GPR137B: variants seen among roughly 807,000 people sequenced by gnomAD.
GPR137B encodes the protein integral membrane protein GPR137B.
A neutral mutation model predicts 42.5 loss-of-function variants in GPR137B; 42 were observed. The observed-to-expected ratio is 0.99, with a 90% CI of 0.77 to 1.28. The LOEUF is 1.28. Among genes scored for constraint, GPR137B ranks in the 50% most tolerant of loss-of-function variants. GPR137B has a pLI of 0.00. For synonymous variants in GPR137B, 218 were observed against 209.7 expected (o/e 1.04, Z -0.34); for missense variants, 487 against 493.9 (o/e 0.99, Z 0.13).
Position 236,155,115 on chromosome 1 carries a change from C to CG in GPR137B, c.414+12081dup, listed in dbSNP as rs199973715. Among the ~76,000 whole-genome samples the CG allele has an allele frequency of 0.023, 3,442 of 152,302 alleles. 134 individuals are homozygous for CG. Among genetic ancestry groups the CG allele is most frequent in the African/African-American group, 0.079 (3,295 of 41,548 alleles). On this transcript the variant is annotated intron_variant, in intron 1 of 6. Coordinates refer to ENST00000366592, the MANE Select transcript of GPR137B (RefSeq NM_003272.4). This position sits in a 1 kb window ranked among gnomAD's most constrained non-coding sequence, Gnocchi z 4.6. ...AGAATTATTTGCCTCCACCTCTGTGCGGAACTGATGCCGAGACGGACTCCA... is the reference window on the plus strand; with the variant it reads ...AGAATTATTTGCCTCCACCTCTGTGCGGGAACTGATGCCGAGACGGACTCCA...
intron 5 of GPR137B, among the ~76,000 whole-genome samples, chr1:236,189,958 G>A (rs867730685): frequency 6.6e-6 from 1 of 152,150 alleles, no homozygotes; most frequent in Admixed American, 6.5e-5. Flanking sequence ...AAGTGTCTTT[G>A]TAGGTCTGTA....
intron 6 of GPR137B, among the ~76,000 whole-genome samples, chr1:236,205,768 G>A (rs1663642793): frequency 6.6e-6 from 1 of 152,140 alleles, no homozygotes; most frequent in Admixed American, 6.5e-5. Flanking sequence ...TTGAACTCCT[G>A]GCCTCAAGTG....
intron 6 of GPR137B, 35 bp from the exon 7 acceptor site, chr1:236,208,015 G>T: frequency 6.7e-7 from 1 of 1,498,694 alleles, no homozygotes; most frequent in Non-Finnish European, 9.3e-7. Flanking sequence ...ACTATATAAT[G>T]TTTCAAGTCA....
At chr1:236,144,714 G>A (rs549323191) in intron 1 of GPR137B, among the ~76,000 whole-genome samples, 1 of 152,356 alleles carries the variant, frequency 6.6e-6, no homozygotes, top group Admixed American at 6.5e-5. Flanking sequence ...TTTTGTAATT[G>A]AAATGAGGTG....
At chr1:236,191,554 G>A (rs1663193504) in intron 5 of GPR137B, among the ~76,000 whole-genome samples, 1 of 152,154 alleles carries the variant, frequency 6.6e-6, no homozygotes, top group African/African-American at 2.4e-5. Context: ...CTTTCTGTTT[G>A]TTAGTTTTCC....
intron 1 of GPR137B, among the ~76,000 whole-genome samples, chr1:236,158,347 C>G (rs968867067): frequency 2.6e-5 from 4 of 152,146 alleles, no homozygotes; most frequent in Non-Finnish European, 5.9e-5. Flanking sequence ...ATCGCTTGAA[C>G]CCGGGAGACA....
chr1:236,178,784 GGTTTTT>G, intron 3 of GPR137B, 148 bp downstream of exon 3: 1 of 34,242 alleles, frequency 2.9e-5, no homozygotes, highest in Non-Finnish European at 7.6e-5. Context: ...GGCTACTCGA[GGTTTTT>G]TTTTTTTTTT....
chr1:236,189,946 C>G (rs144654907), intron 5 of GPR137B, among the ~76,000 whole-genome samples: 1 of 152,078 alleles, frequency 6.6e-6, no homozygotes, highest in Non-Finnish European at 1.5e-5. Flanking sequence ...GTGTGGGGGT[C>G]TAAGTGTCTT....
At chr1:236,147,799 G>A (rs1661723281) in intron 1 of GPR137B, among the ~76,000 whole-genome samples, 1 of 152,194 alleles carries the variant, frequency 6.6e-6, no homozygotes, top group Non-Finnish European at 1.5e-5. Flanking sequence ...CTGACCTGGG[G>A]TGAGGTGCCC....
At chr1:236,148,410 C>T (rs1231880020) in intron 1 of GPR137B, among the ~76,000 whole-genome samples, 1 of 152,158 alleles carries the variant, frequency 6.6e-6, no homozygotes, top group Non-Finnish European at 1.5e-5. Context: ...CTCCAGATTC[C>T]CGAGTTTGGC....
In GPR137B at chr1:236,142,701, G is replaced by A. The variant is rs1052892101; in HGVS notation, c.79G>A (p.Asp27Asn). ...CCCGCCGTGGGACCCAGCCCGCAACGACTCGCTGCCGCCCACGCTGACCCC... is the reference window on the plus strand; with the variant it reads ...CCCGCCGTGGGACCCAGCCCGCAACAACTCGCTGCCGCCCACGCTGACCCC... Reference protein sequence around the residue: ...ETPPWDPARNDSLPPTLTPAV... With the variant: ...ETPPWDPARNNSLPPTLTPAV... The change falls in exon 1 of 7, where the codon GAC (aspartate) becomes AAC (asparagine). Residue 27 changes from aspartate (D) to asparagine (N), a missense_variant. Transcript: ENST00000366592. The A allele has an allele frequency of 6.3e-7, 1 of 1,594,014 alleles. No individual in the cohort carries two copies. Among genetic ancestry groups the A allele is most frequent in the Admixed American group, 1.7e-5 (1 of 58,048 alleles).
rs1663716268 is a variant in GPR137B at position 236,208,064 on chromosome 1, A to T, written c.1106A>T (p.Tyr369Phe). ...QGLQGGFAPD[Y>F]YDWGQQTNSF... ...TTCTTTTTAAGTTTTGCTCCAGATT[A>T]CTATGATTGGGGACAACAAACTAAC... is the stretch of plus-strand genomic sequence containing the variant. The change falls in exon 7 of 7, where the codon TAC (tyrosine) becomes TTC (phenylalanine). Residue 369 changes from tyrosine to phenylalanine, a missense_variant. Transcript: ENST00000366592. 6.2e-7 allele frequency: 1 copy of T among 1,611,810 alleles called. No homozygotes were observed.
intron 2 of GPR137B, among the ~76,000 whole-genome samples, chr1:236,177,118 T>C (rs1571986943): frequency 6.6e-6 from 1 of 152,134 alleles, no homozygotes; most frequent in African/African-American, 2.4e-5. Context: ...CTGAAAGTTA[T>C]GTGAGAGATT....
intron 5 of GPR137B, among the ~76,000 whole-genome samples, chr1:236,190,084 CTT>C (rs897358641): frequency 6.7e-6 from 1 of 148,792 alleles, no homozygotes; most frequent in African/African-American, 2.5e-5. Context: ...TTTTTTGTCT[CTT>C]TTGATCTTTG....
At chr1:236,199,012 C>G (rs1663420471) in intron 5 of GPR137B, among the ~76,000 whole-genome samples, 1 of 152,110 alleles carries the variant, frequency 6.6e-6, no homozygotes, top group Admixed American at 6.6e-5. Context: ...TTTCCTGATT[C>G]AGTATAATGT....
chr1:236,194,709 A>G (rs970988062), intron 5 of GPR137B, among the ~76,000 whole-genome samples: 2 of 152,300 alleles, frequency 1.3e-5, no homozygotes, highest in South Asian at 4.1e-4. Flanking sequence ...TCAAACCCCA[A>G]CAGTCATCCC....
chr1:236,162,800 GC>G (rs1268008228), intron 1 of GPR137B, among the ~76,000 whole-genome samples: 1 of 152,252 alleles, frequency 6.6e-6, no homozygotes, highest in African/African-American at 2.4e-5. Context: ...ATGCCTGGAT[GC>G]CCAGGCAAAA....
chr1:236,147,738 C>A (rs1216351164), intron 1 of GPR137B, among the ~76,000 whole-genome samples: 1 of 152,198 alleles, frequency 6.6e-6, no homozygotes, highest in Non-Finnish European at 1.5e-5. Context: ...TCTGCCCGGG[C>A]CCCCTTCCTG....
chr1:236,176,433 C>T (rs569442110), intron 2 of GPR137B, among the ~76,000 whole-genome samples: 1 of 152,186 alleles, frequency 6.6e-6, no homozygotes, highest in South Asian at 2.1e-4. Flanking sequence ...TACTTTGTCC[C>T]TCCTCCAGGG....
Sources: allele counts gnomAD v4.1 joint callset (sites outside exome capture counted in the v4.1 genomes callset), GRCh38; gene constraint gnomAD v4.1.1; non-coding constraint Gnocchi (gnomAD v3.1); transcripts MANE v1.5; gene names NCBI Gene and HGNC (gene_info 2026-07-23, HGNC 2026-07-21).